TAFA1: variants seen among roughly 807,000 people sequenced by gnomAD.
TAFA1 encodes TAFA chemokine like family member 1.
A neutral mutation model predicts 18.5 loss-of-function variants in TAFA1; 4 were observed. The observed-to-expected ratio is 0.22, with a 90% CI of 0.11 to 0.49. The LOEUF is 0.49. Ranked by LOEUF, TAFA1 falls within the 20% of genes least tolerant of loss-of-function variation. The probability of loss-of-function intolerance (pLI) is 0.98; values close to 1 mark genes in which losing one functional copy is unlikely to be tolerated. For synonymous variants in TAFA1, 56 were observed against 55.2 expected (o/e 1.01, Z -0.06); for missense variants, 147 against 169.0 (o/e 0.87, Z 0.72).
chr3:68,160,642 C>T (rs1341459291), intron 2 of TAFA1, among the ~76,000 whole-genome samples: 1 of 152,178 alleles, frequency 6.6e-6, no homozygotes, highest in Non-Finnish European at 1.5e-5. Flanking sequence ...ATAATAGCAC[C>T]TAGCACTTAA....
At chr3:68,451,421 G>T (rs757908837) in intron 3 of TAFA1, among the ~76,000 whole-genome samples, 4 of 152,128 alleles carry the variant, frequency 2.6e-5, no homozygotes, top group African/African-American at 9.7e-5. Flanking sequence ...GGAGGAACTT[G>T]AAGGAATGCA....
At chr3:68,334,156 T>A (rs554634775) in intron 2 of TAFA1, among the ~76,000 whole-genome samples, 29 of 152,294 alleles carry the variant, frequency 1.9e-4, no homozygotes, top group African/African-American at 7.0e-4. Flanking sequence ...ATGACACACA[T>A]AAAATAATGC....
At chr3:68,497,258 A>T (rs368699114) in intron 3 of TAFA1, among the ~76,000 whole-genome samples, 1 of 152,154 alleles carries the variant, frequency 6.6e-6, no homozygotes, top group Non-Finnish European at 1.5e-5. Flanking sequence ...TCTTTAACAT[A>T]TGTCCACTCA....
intron 2 of TAFA1, among the ~76,000 whole-genome samples, chr3:68,325,099 A>G (rs1201894372): frequency 6.6e-6 from 1 of 152,160 alleles, no homozygotes; most frequent in East Asian, 1.9e-4. Flanking sequence ...TCTCTCTTCA[A>G]TTTATTCACA....
chr3:68,506,140 T>C (rs567319344), intron 3 of TAFA1, among the ~76,000 whole-genome samples: 5 of 152,190 alleles, frequency 3.3e-5, no homozygotes, highest in Admixed American at 3.3e-4. Context: ...ACATCTGGTG[T>C]TGGGTTTTCT....
intron 2 of TAFA1, among the ~76,000 whole-genome samples, chr3:68,315,472 A>G (rs2068592313): frequency 6.6e-6 from 1 of 152,104 alleles, no homozygotes; most frequent in Non-Finnish European, 1.5e-5. Flanking sequence ...CCCCACCTTC[A>G]CACCCTAAAA....
chr3:68,393,988 AAC>A (rs535838725), intron 2 of TAFA1, among the ~76,000 whole-genome samples: 126 of 152,322 alleles, frequency 8.3e-4, no homozygotes, highest in South Asian at 3.9e-3. Flanking sequence ...ACTCCTATTC[AAC>A]ATAGTATTGG....
chr3:68,147,173 C>T (rs2065752043), intron 2 of TAFA1, among the ~76,000 whole-genome samples: 1 of 152,050 alleles, frequency 6.6e-6, no homozygotes, highest in Non-Finnish European at 1.5e-5. Flanking sequence ...GGAGCATACC[C>T]TTGTTATGGA....
rs188955140 is a variant in TAFA1, at chr3:68,319,909, A to G, written c.119-97371A>G. ...ATCATAGAAATAATTAGTTATTTTC[A>G]TAGTAACACTAGAATGCTTGATAGC... On this transcript the variant is annotated intron_variant, in intron 2 of 4. Transcript: ENST00000478136. Among the ~76,000 whole-genome samples the G allele has an allele frequency of 1.2e-4, 18 of 152,276 alleles. No homozygotes were observed. In the East Asian group the frequency reaches 3.5e-3, roughly 29 times the overall value.
At chr3:68,244,371 A>G (rs1256801280) in intron 2 of TAFA1, among the ~76,000 whole-genome samples, 2 of 151,422 alleles carry the variant, frequency 1.3e-5, no homozygotes, top group African/African-American at 4.9e-5. Context: ...TTTTCTAGAG[A>G]TTTTAGTGTT....
At chr3:68,189,548 C>T (rs555771834) in intron 2 of TAFA1, among the ~76,000 whole-genome samples, 15 of 151,964 alleles carry the variant, frequency 9.9e-5, no homozygotes, top group African/African-American at 3.4e-4. Flanking sequence ...GACCTTCCCA[C>T]TTCCAGCTCT....
intron 2 of TAFA1, among the ~76,000 whole-genome samples, chr3:68,412,882 G>T (rs1487560527): frequency 6.6e-6 from 1 of 151,936 alleles, no homozygotes; most frequent in African/African-American, 2.4e-5. Context: ...AGTCCTTTGG[G>T]TATATACCCA....
intron 2 of TAFA1, among the ~76,000 whole-genome samples, chr3:68,249,525 G>A (rs1285705648): frequency 1.3e-5 from 2 of 152,118 alleles, no homozygotes; most frequent in African/African-American, 4.8e-5. Context: ...GAAGAGTGGT[G>A]TTTCCCCAGA....
chr3:68,436,443 G>A (rs2071269719), intron 3 of TAFA1, among the ~76,000 whole-genome samples: 1 of 152,112 alleles, frequency 6.6e-6, no homozygotes, highest in Non-Finnish European at 1.5e-5. Flanking sequence ...ACAGAGAGGA[G>A]AGAAATCACA....
At chr3:68,380,786 T>G (rs1331183287) in intron 2 of TAFA1, among the ~76,000 whole-genome samples, 3 of 151,864 alleles carry the variant, frequency 2.0e-5, no homozygotes, top group African/African-American at 7.3e-5. Context: ...AGATCCCATT[T>G]GTCAATTTTG....
intron 2 of TAFA1, among the ~76,000 whole-genome samples, chr3:68,324,376 T>C (rs2068744217): frequency 1.3e-5 from 2 of 152,192 alleles, no homozygotes; most frequent in South Asian, 4.1e-4. Flanking sequence ...ACAAAATATG[T>C]TTGAAAATTC....
chr3:68,055,959 G>C (rs1156528090), intron 2 of TAFA1, among the ~76,000 whole-genome samples: 1 of 152,076 alleles, frequency 6.6e-6, no homozygotes, highest in Non-Finnish European at 1.5e-5. Flanking sequence ...TTTCCATACT[G>C]AACCCTGGGT....
upstream of TAFA1, chr3:68,004,233 G>A (rs1398426763): frequency 3.3e-5 from 5 of 152,178 alleles, no homozygotes; most frequent in African/African-American, 9.7e-5. Flanking sequence ...TAGAGCGGAG[G>A]GATGTATTGA....
intron 2 of TAFA1, among the ~76,000 whole-genome samples, chr3:68,249,118 G>T (rs2067142042): frequency 2.6e-5 from 4 of 152,174 alleles, no homozygotes; most frequent in African/African-American, 2.4e-5. Flanking sequence ...CCACACACAG[G>T]CCACCTGCCT....
Sources: gnomAD v4.1 joint callset for allele counts (sites outside exome capture counted in the v4.1 genomes callset) on GRCh38, gnomAD v4.1.1 for gene constraint, MANE v1.5 for transcripts, NCBI Gene and HGNC (gene_info 2026-07-23, HGNC 2026-07-21) for gene names.